Variants in RAB27B observed in about 807,000 individuals in gnomAD.
The protein encoded by RAB27B is ras-related protein Rab-27B.
RAB27B carries 15 observed loss-of-function variants against 24.6 expected under a neutral mutation model. That is an observed-to-expected ratio of 0.61 (90% CI 0.41 to 0.94). RAB27B has a LOEUF of 0.94. Ranked by LOEUF, RAB27B falls within the 40% of genes least tolerant of loss-of-function variation. The pLI is 0.00. For missense variants in RAB27B, 261 were observed against 266.8 expected, an observed-to-expected ratio of 0.98 and a Z score of 0.15; for synonymous variants, 105 against 92.5, an observed-to-expected ratio of 1.14 and a Z score of -0.78.
intron 2 of RAB27B, among the ~76,000 whole-genome samples, chr18:54,775,019 G>A (rs907292641): frequency 6.6e-6 from 1 of 152,140 alleles, no homozygotes; most frequent in Non-Finnish European, 1.5e-5. Context: ...GTGTGCTGTC[G>A]GGAGCTATCA....
chr18:54,719,889 C>A (rs1479443456), intron 2 of RAB27B, among the ~76,000 whole-genome samples: 1 of 152,056 alleles, frequency 6.6e-6, no homozygotes, highest in Non-Finnish European at 1.5e-5. Flanking sequence ...ACTTCAGTTT[C>A]ATGTCAGACT....
intron 2 of RAB27B, among the ~76,000 whole-genome samples, chr18:54,822,559 A>G (rs975664799): frequency 1.3e-5 from 2 of 152,256 alleles, no homozygotes; most frequent in African/African-American, 4.8e-5. Context: ...ATGGATTTGC[A>G]TATGACTATA....
chr18:54,862,534 A>T lies in RAB27B; in HGVS notation c.-19-15033A>T, dbSNP rs146443536. Among the ~76,000 whole-genome samples, 522 of 152,302 alleles carry T rather than the reference A, an allele frequency of 3.4e-3. 1 individual carries two copies. The highest frequency in any genetic ancestry group is 4.9e-3 in the Non-Finnish European group (336 of 68,036). On this transcript the variant is annotated intron_variant, in intron 1 of 5. Coordinates refer to ENST00000262094, the MANE Select transcript of RAB27B (RefSeq NM_004163.4). ...GAGTCTCGAGATTCTGGAATAGTGG[A>T]TGAGGATGGAGAAAAATGGTTTTCA...
chr18:54,733,660 C>A (rs867016549), intron 2 of RAB27B, among the ~76,000 whole-genome samples: 5 of 139,288 alleles, frequency 3.6e-5, no homozygotes, highest in Admixed American at 7.1e-5. Flanking sequence ...GCCCCCCCCC[C>A]CCAAATTTGC....
chr18:54,870,172 C>T (rs1912405766), intron 1 of RAB27B, among the ~76,000 whole-genome samples: 1 of 152,112 alleles, frequency 6.6e-6, no homozygotes, highest in Non-Finnish European at 1.5e-5. Flanking sequence ...ACAAATTTTA[C>T]TTATGAATAC....
intron 1 of RAB27B, among the ~76,000 whole-genome samples, chr18:54,831,771 T>C (rs1175330158): frequency 6.7e-6 from 1 of 148,340 alleles, no homozygotes; most frequent in Non-Finnish European, 1.5e-5. Context: ...GGGGAGGTGA[T>C]TTTTTTTTTC....
chr18:54,859,003 G>A (rs1259795800), intron 1 of RAB27B, among the ~76,000 whole-genome samples: 1 of 151,992 alleles, frequency 6.6e-6, no homozygotes, highest in African/African-American at 2.4e-5. Context: ...AGTTATATGT[G>A]TCTTTTTGTT....
At chr18:54,794,781 T>TC (rs941350425) in intron 2 of RAB27B, among the ~76,000 whole-genome samples, 1 of 152,078 alleles carries the variant, frequency 6.6e-6, no homozygotes, top group African/African-American at 2.4e-5. Context: ...GTTTCTGGGC[T>TC]CCCCCCAACC....
At chr18:54,849,446 G>A (rs188962149) in intron 1 of RAB27B, among the ~76,000 whole-genome samples, 13 of 152,330 alleles carry the variant, frequency 8.5e-5, no homozygotes, top group Non-Finnish European at 1.5e-4. Context: ...GGCCAGGAGC[G>A]GTGGCTCATG....
At chr18:54,876,985 C>A (rs113178456) in intron 1 of RAB27B, among the ~76,000 whole-genome samples, 9,334 of 152,016 alleles carry the variant, frequency 0.061, 437 homozygotes, top group Admixed American at 0.15. Context: ...TGTCCCTACC[C>A]AAATGTCATC....
chr18:54,763,768 A>G (rs558760115), intron 2 of RAB27B, among the ~76,000 whole-genome samples: 1 of 152,252 alleles, frequency 6.6e-6, no homozygotes, highest in Non-Finnish European at 1.5e-5. Flanking sequence ...TCCCCTGGGC[A>G]CATCCATTTT....
chr18:54,778,988 C>T (rs1908805414), intron 2 of RAB27B, among the ~76,000 whole-genome samples: 1 of 151,992 alleles, frequency 6.6e-6, no homozygotes, highest in Admixed American at 6.6e-5. Context: ...TACAGGTGCG[C>T]ACCACCACAC....
chr18:54,797,647 T>C (rs1909467372), intron 2 of RAB27B, among the ~76,000 whole-genome samples: 1 of 152,360 alleles, frequency 6.6e-6, no homozygotes, highest in South Asian at 2.1e-4. Context: ...TATTTTCCAG[T>C]GACCTAAATC....
intron 4 of RAB27B, 30 bp downstream of exon 4, chr18:54,884,466 C>A: frequency 1.4e-6 from 2 of 1,431,088 alleles, no homozygotes; most frequent in Non-Finnish European, 2.0e-6. Context: ...GTGCATTGGC[C>A]GCTTTGGGAC....
chr18:54,784,641 A>G (rs1909022926), intron 2 of RAB27B, among the ~76,000 whole-genome samples: 2 of 151,628 alleles, frequency 1.3e-5, no homozygotes, highest in Admixed American at 6.6e-5. Context: ...ACAGGATGTG[A>G]TTTTGTTCTT....
At chr18:54,770,692 C>G (rs1488050043) in intron 2 of RAB27B, among the ~76,000 whole-genome samples, 2 of 152,086 alleles carry the variant, frequency 1.3e-5, no homozygotes, top group Non-Finnish European at 2.9e-5. Flanking sequence ...GGGACCGCTA[C>G]TCTTTGATCT....
chr18:54,881,015 G>A (rs1912902025), intron 3 of RAB27B, among the ~76,000 whole-genome samples: 1 of 152,120 alleles, frequency 6.6e-6, no homozygotes, highest in African/African-American at 2.4e-5. Context: ...CACATCATGG[G>A]AAGGAAGAGA....
At chr18:54,794,674 T>C (rs1317619331) in intron 2 of RAB27B, among the ~76,000 whole-genome samples, 1 of 152,170 alleles carries the variant, frequency 6.6e-6, no homozygotes, top group Non-Finnish European at 1.5e-5. Context: ...AATTCCCAGC[T>C]TTTTTTGAAG....
At chr18:54,782,028 T>G (rs1025758004) in intron 2 of RAB27B, among the ~76,000 whole-genome samples, 1 of 152,242 alleles carries the variant, frequency 6.6e-6, no homozygotes, top group African/African-American at 2.4e-5. Context: ...TATAGGGATA[T>G]TTTATTCTGA....
Sources: gnomAD v4.1 joint callset for allele counts (sites outside exome capture counted in the v4.1 genomes callset) on GRCh38, gnomAD v4.1.1 for gene constraint, MANE v1.5 for transcripts, NCBI Gene and HGNC (gene_info 2026-07-23, HGNC 2026-07-21) for gene names.